The following CNTN3 variants were observed in gnomAD, a reference collection of about 807,000 sequenced individuals.
CNTN3 encodes contactin 3, also known as contactin-3.
In CNTN3, 60 loss-of-function variants were observed where a neutral mutation model predicts 119.1. The observed-to-expected ratio is 0.50, with a 90% CI of 0.41 to 0.62. The LOEUF is 0.62. Ranked by LOEUF, CNTN3 falls within the 20% of genes least tolerant of loss-of-function variation. The pLI, the probability that CNTN3 is intolerant of heterozygous loss-of-function variation, is 0.00. For synonymous variants in CNTN3, 450 were observed against 438.7 expected (o/e 1.03, Z -0.32); for missense variants, 1,101 against 1,242.4 (o/e 0.89, Z 1.71).
chr3:74,522,608 C>A (rs1703559341), intron 1 of CNTN3, among the ~76,000 whole-genome samples: 1 of 151,740 alleles, frequency 6.6e-6, no homozygotes, highest in African/African-American at 2.4e-5. Flanking sequence ...CTTCTAACAC[C>A]ATGGGTGACT....
intron 20 of CNTN3, among the ~76,000 whole-genome samples, chr3:74,269,899 C>G (rs1390322529): frequency 6.6e-6 from 1 of 152,024 alleles, no homozygotes; most frequent in African/African-American, 2.4e-5. Context: ...GTACAAAGTT[C>G]CAGTTCTGCA....
At chr3:74,308,344 A>G (rs572896707) in intron 13 of CNTN3, among the ~76,000 whole-genome samples, 1 of 152,350 alleles carries the variant, frequency 6.6e-6, no homozygotes, top group South Asian at 2.1e-4. Context: ...TTGTCTGAAC[A>G]GGTGATATTT....
chr3:74,549,552 C>CT (rs200940511), intron 1 of CNTN3, among the ~76,000 whole-genome samples: 5,640 of 149,244 alleles, frequency 0.038, 139 homozygotes, highest in South Asian at 0.069. Flanking sequence ...CCTAGCTGGA[C>CT]TTTTTTTTTT....
At chr3:74,295,484 T>C (rs558947711) in intron 18 of CNTN3, among the ~76,000 whole-genome samples, 2 of 152,304 alleles carry the variant, frequency 1.3e-5, no homozygotes, top group Non-Finnish European at 2.9e-5. Context: ...TGCACCTCTT[T>C]CTTGGCATCT....
intron 3 of CNTN3, among the ~76,000 whole-genome samples, chr3:74,493,709 T>G (rs535255913): frequency 1.3e-5 from 2 of 152,266 alleles, no homozygotes; most frequent in South Asian, 4.1e-4. Flanking sequence ...TCAAATGCAA[T>G]GTTTGTTAAT....
At chr3:74,422,102 C>G (rs1559593723) in intron 5 of CNTN3, among the ~76,000 whole-genome samples, 4 of 152,214 alleles carry the variant, frequency 2.6e-5, no homozygotes, top group Admixed American at 2.0e-4. Flanking sequence ...TACAAACCAG[C>G]CTTGTACTAG....
intron 3 of CNTN3, among the ~76,000 whole-genome samples, chr3:74,496,411 G>A (rs1459633453): frequency 6.6e-6 from 1 of 152,064 alleles, no homozygotes; most frequent in African/African-American, 2.4e-5. Flanking sequence ...ATAATGATAG[G>A]CTTAGGGTTG....
chr3:74,485,793 G>A (rs1431791059), intron 4 of CNTN3, among the ~76,000 whole-genome samples: 2 of 151,898 alleles, frequency 1.3e-5, no homozygotes, highest in African/African-American at 4.8e-5. Flanking sequence ...GAGCCTCTGG[G>A]TCCAAGTCCA....
intron 1 of CNTN3, among the ~76,000 whole-genome samples, chr3:74,588,433 C>A (rs922014838): frequency 2.6e-5 from 4 of 151,956 alleles, no homozygotes; most frequent in Non-Finnish European, 4.4e-5. Context: ...GAACTACAAA[C>A]CACTGCTCAA....
At chr3:74,455,287 GATCGC>G (rs2106959382) in intron 4 of CNTN3, among the ~76,000 whole-genome samples, 1 of 151,722 alleles carries the variant, frequency 6.6e-6, no homozygotes, top group African/African-American at 2.4e-5. Context: ...TCTTCCAGTT[GATCGC>G]ATCGGCTCCT....
At chr3:74,607,807 G>C (rs1705018249) in intron 1 of CNTN3, among the ~76,000 whole-genome samples, 1 of 152,158 alleles carries the variant, frequency 6.6e-6, no homozygotes, top group African/African-American at 2.4e-5. Context: ...TGCTGACATG[G>C]AAATGTCACC....
chr3:74,406,398 T>C (rs966440595), intron 5 of CNTN3, among the ~76,000 whole-genome samples: 2 of 152,058 alleles, frequency 1.3e-5, no homozygotes, highest in African/African-American at 2.4e-5. Context: ...AGACTGAGAA[T>C]AAATAGACCA....
At chr3:74,437,966 A>G in intron 4 of CNTN3, among the ~76,000 whole-genome samples, 1 of 152,226 alleles carries the variant, frequency 6.6e-6, no homozygotes, top group Non-Finnish European at 1.5e-5. Context: ...CTATTACACA[A>G]TATCATATTT....
chr3:74,283,525 T>G (rs964368225), intron 20 of CNTN3, among the ~76,000 whole-genome samples: 1 of 152,200 alleles, frequency 6.6e-6, no homozygotes, highest in African/African-American at 2.4e-5. Flanking sequence ...TATTGATTTC[T>G]AATCAGTCTC....
At chr3:74,344,546 C>T (rs1308920664) in intron 11 of CNTN3, among the ~76,000 whole-genome samples, 11 of 60,462 alleles carry the variant, frequency 1.8e-4, no homozygotes, top group Non-Finnish European at 3.4e-4. Flanking sequence ...CTGCTTCAGC[C>T]TCCCGGGTTC....
intron 5 of CNTN3, among the ~76,000 whole-genome samples, chr3:74,385,973 C>A (rs191507126): frequency 6.6e-6 from 1 of 152,282 alleles, no homozygotes; most frequent in East Asian, 1.9e-4. Flanking sequence ...ATCTTGGCAA[C>A]TTGCACATAT....
intron 20 of CNTN3, 184 bp from the exon 21 acceptor site, chr3:74,267,562 G>T: frequency 2.0e-6 from 1 of 499,968 alleles, no homozygotes; most frequent in Non-Finnish European, 3.6e-6. Context: ...TTTTAGAAAG[G>T]CATTTCATTC....
Position 74,561,739 on chromosome 3 carries a change from T to C in CNTN3, c.-80-40547A>G, listed in dbSNP as rs148492038. On this transcript the variant is annotated intron_variant, in intron 1 of 22. Transcript: ENST00000263665. ...ATCTCATTTCAACTAGAATGAAAGCTACAAGAGACTGAGCCTGTGTACCAC... is the reference window on the plus strand; with the variant it reads ...ATCTCATTTCAACTAGAATGAAAGCCACAAGAGACTGAGCCTGTGTACCAC... Among the ~76,000 whole-genome samples, 241 of 152,318 alleles carry C rather than the reference T, an allele frequency of 1.6e-3. 3 individuals are homozygous for C. Among genetic ancestry groups the C allele is most frequent in the African/African-American group, 5.4e-3 (224 of 41,580 alleles).
chr3:74,366,049 T>TAAAC (rs1704178503), intron 8 of CNTN3, among the ~76,000 whole-genome samples: 1 of 152,162 alleles, frequency 6.6e-6, no homozygotes, highest in Non-Finnish European at 1.5e-5. Context: ...TTTCCAAGTG[T>TAAAC]ATTTTTGAAT....
Sources: gnomAD v4.1 joint callset for allele counts (sites outside exome capture counted in the v4.1 genomes callset) on GRCh38, gnomAD v4.1.1 for gene constraint, MANE v1.5 for transcripts, NCBI Gene and HGNC (gene_info 2026-07-23, HGNC 2026-07-21) for gene names.